ASTN1: variants seen among roughly 807,000 people sequenced by gnomAD.
ASTN1 encodes the protein astrotactin-1.
Under a neutral mutation model 140.7 loss-of-function variants are expected in ASTN1, and 41 were observed. The observed-to-expected ratio is 0.29, with a 90% CI of 0.23 to 0.38. ASTN1 has a LOEUF of 0.38. ASTN1 is among the 10% of genes least tolerant of loss of function. ASTN1 has a pLI of 1.00. For missense variants in ASTN1, 1,479 were observed against 1,678.8 expected, an observed-to-expected ratio of 0.88 and a Z score of 2.08; for synonymous variants, 640 against 652.2, an observed-to-expected ratio of 0.98 and a Z score of 0.29.
At chr1:177,148,551 A>G (rs768771248) in intron 1 of ASTN1, among the ~76,000 whole-genome samples, 1 of 151,888 alleles carries the variant, frequency 6.6e-6, no homozygotes, top group Admixed American at 6.6e-5. Context: ...AGGTTCTAAG[A>G]GTCAAAATAC....
At chr1:176,857,559 A>T, downstream of ASTN1, 1 of 523,604 alleles carries the variant, frequency 1.9e-6, no homozygotes. Flanking sequence ...ATGCCATCTG[A>T]GGCAGGGAGA....
chr1:177,081,211 G>C (rs1267037238), intron 1 of ASTN1, among the ~76,000 whole-genome samples: 1 of 152,170 alleles, frequency 6.6e-6, no homozygotes, highest in African/African-American at 2.4e-5. Flanking sequence ...AGGTCAAGGA[G>C]CTCTTGCTTG....
At chr1:177,019,752 C>T (rs1231153595) in intron 7 of ASTN1, among the ~76,000 whole-genome samples, 1 of 152,202 alleles carries the variant, frequency 6.6e-6, no homozygotes, top group African/African-American at 2.4e-5. Context: ...AACAGATCAG[C>T]AAGTATTCTC....
At chr1:176,876,184 C>T (rs936610599) in intron 21 of ASTN1, among the ~76,000 whole-genome samples, 1 of 152,152 alleles carries the variant, frequency 6.6e-6, no homozygotes, top group African/African-American at 2.4e-5. Context: ...GTACAAAAAC[C>T]TATAGACAGA....
chr1:177,135,874 C>T (rs901220791), intron 1 of ASTN1, among the ~76,000 whole-genome samples: 4 of 152,190 alleles, frequency 2.6e-5, no homozygotes, highest in Non-Finnish European at 5.9e-5. Context: ...TAAAGAGACT[C>T]TGCATTTGAA....
chr1:177,134,611 TTGTC>T (rs1219338065), intron 1 of ASTN1, among the ~76,000 whole-genome samples: 1 of 152,212 alleles, frequency 6.6e-6, no homozygotes, highest in Admixed American at 6.5e-5. Context: ...AGGAGATTCA[TTGTC>T]TGATGTCTGC....
At chr1:177,007,249 C>T (rs138334127) in intron 8 of ASTN1, among the ~76,000 whole-genome samples, 62 of 152,118 alleles carry the variant, frequency 4.1e-4, no homozygotes, top group Non-Finnish European at 7.5e-4. Context: ...CAAAATGAGC[C>T]GGGCGTGATG....
Position 176,981,211 on chromosome 1 carries a change from C to CAAAAA in ASTN1, c.1524-15979_1524-15975dup, listed in dbSNP as rs35209486. Among the ~76,000 whole-genome samples, 54 of 24,062 alleles carry CAAAAA rather than the reference C, an allele frequency of 2.2e-3. 3 individuals are homozygous for CAAAAA. Among genetic ancestry groups the CAAAAA allele is most frequent in the African/African-American group, 4.6e-3 (43 of 9,306 alleles). The allele number at this position is 24,062 out of a possible 152,430, so 15.8% of individuals were successfully genotyped here. ...TGGGTGACAGAAGGAGACTCTGTCTCAAAAAAAAAAAAAAAAAAAAAAAAA... is the reference window on the plus strand; with the variant it reads ...TGGGTGACAGAAGGAGACTCTGTCTCAAAAAAAAAAAAAAAAAAAAAAAAAAAAAA... On this transcript the variant is annotated intron_variant, in intron 8 of 22. Coordinates refer to ENST00000361833, the MANE Select transcript of ASTN1 (RefSeq NM_004319.3).
At chr1:177,063,710 G>T (rs1571729189) in intron 1 of ASTN1, among the ~76,000 whole-genome samples, 1 of 151,980 alleles carries the variant, frequency 6.6e-6, no homozygotes, top group Non-Finnish European at 1.5e-5. Context: ...AGCCCCAAAA[G>T]CTCCTCCCAA....
intron 1 of ASTN1, among the ~76,000 whole-genome samples, chr1:177,111,338 C>T (rs576820634): frequency 3.9e-5 from 6 of 152,198 alleles, no homozygotes; most frequent in African/African-American, 1.2e-4. Context: ...GAGGCAATAC[C>T]GATGTCACCT....
Position 176,894,605 on chromosome 1 carries a change from G to A in ASTN1, c.2897C>T (p.Ala966Val), listed in dbSNP as rs1469499343. ...GGTCACTAGTTCATAGATGGGGGCTGCTTTGGTCACCTCCAGCAGAACCGG... is the reference window on the plus strand; with the variant it reads ...GGTCACTAGTTCATAGATGGGGGCTACTTTGGTCACCTCCAGCAGAACCGG... ...AEPVLLEVTK[A>V]APIYELVTNN... The change falls in exon 17 of 23, where the codon GCA (alanine) becomes GTA (valine). Residue 966 changes from alanine (A) to valine (V), a missense_variant. By Grantham distance (64) the Ala-to-Val change is moderately conservative. Around this residue, in one of 3 missense-constraint regions of ASTN1, gnomAD observed 746 missense variants for 800.9 expected, o/e 0.93. Coordinates refer to ENST00000361833, the MANE Select transcript of ASTN1 (RefSeq NM_004319.3). 2.5e-6 allele frequency: 4 copies of A among 1,613,984 alleles called. No homozygotes were observed. The Admixed American group carries it at 6.7e-5, about 27-fold the overall frequency.
intron 8 of ASTN1, among the ~76,000 whole-genome samples, chr1:176,998,207 T>C (rs1009345160): frequency 6.6e-6 from 1 of 152,196 alleles, no homozygotes; most frequent in Non-Finnish European, 1.5e-5. Flanking sequence ...GTACCACAGC[T>C]TCCTCATCTG....
At chr1:177,148,050 C>T (rs962935612) in intron 1 of ASTN1, among the ~76,000 whole-genome samples, 1 of 152,168 alleles carries the variant, frequency 6.6e-6, no homozygotes, top group Non-Finnish European at 1.5e-5. Context: ...CAAGCTGGAC[C>T]ACACCTTCAT....
At chr1:176,949,109 T>C in intron 12 of ASTN1, 76 bp downstream of exon 12, 1 of 1,574,630 alleles carries the variant, frequency 6.4e-7, no homozygotes, top group Non-Finnish European at 8.6e-7. Flanking sequence ...CACTCACATT[T>C]CCTGGATTTA....
chr1:177,112,456 C>T (rs887761938), intron 1 of ASTN1, among the ~76,000 whole-genome samples: 2 of 152,156 alleles, frequency 1.3e-5, no homozygotes, highest in African/African-American at 2.4e-5. Context: ...GTATTCCACC[C>T]GTGTTGGGCG....
At chr1:176,902,600 G>A (rs1669815947) in intron 16 of ASTN1, among the ~76,000 whole-genome samples, 1 of 152,140 alleles carries the variant, frequency 6.6e-6, no homozygotes, top group South Asian at 2.1e-4. Flanking sequence ...ATGGAACAGT[G>A]AATTTAATAA....
At chr1:176,910,699 G>A (rs1238602196) in intron 16 of ASTN1, among the ~76,000 whole-genome samples, 3 of 152,200 alleles carry the variant, frequency 2.0e-5, no homozygotes, top group South Asian at 4.1e-4. Context: ...GGTATATGGT[G>A]TAGCACAGGG....
At chr1:177,010,074 T>C (rs536421178) in intron 8 of ASTN1, among the ~76,000 whole-genome samples, 1 of 152,224 alleles carries the variant, frequency 6.6e-6, no homozygotes, top group Non-Finnish European at 1.5e-5. Flanking sequence ...TCTTTCGTAA[T>C]CATTTCCAAA....
intron 1 of ASTN1, among the ~76,000 whole-genome samples, chr1:177,124,187 A>T (rs1253037656): frequency 6.6e-6 from 1 of 152,168 alleles, no homozygotes. Flanking sequence ...AGCTTCAAGC[A>T]GGTAGCCAGC....
Sources: allele counts gnomAD v4.1 joint callset (sites outside exome capture counted in the v4.1 genomes callset), GRCh38; gene constraint gnomAD v4.1.1; regional missense constraint gnomAD v4.1.1; transcripts MANE v1.5; gene names NCBI Gene and HGNC (gene_info 2026-07-23, HGNC 2026-07-21).